The following MPP3 variants were observed in gnomAD, a reference collection of about 807,000 sequenced individuals.
The protein encoded by MPP3 is MAGUK p55 subfamily member 3.
A neutral mutation model predicts 80.7 loss-of-function variants in MPP3; 48 were observed. The observed-to-expected ratio is 0.59, with a 90% confidence interval of 0.47 to 0.76. The LOEUF is 0.76. Ranked by LOEUF, MPP3 falls within the 30% of genes least tolerant of loss-of-function variation. MPP3 has a pLI of 0.00. For synonymous variants in MPP3, 311 were observed against 297.6 expected, an observed-to-expected ratio of 1.04 and a Z score of -0.46; for missense variants, 620 against 763.0, an observed-to-expected ratio of 0.81 and a Z score of 2.21.
rs1567824060 is a variant in MPP3, at chr17:43,826,832, T to TATATATATATA, written c.523+918_523+919insTATATATATAT. On this transcript the variant is annotated intron_variant, in intron 8 of 19. Transcript: ENST00000398389. ...CATGACTATTTATATATATATATAT[T>TATATATATATA]TTTTTTTTTTTTCTTTTTTTTTTGA... 6.2e-3 allele frequency among the ~76,000 whole-genome samples: 690 copies of TATATATATATA among 110,676 alleles called. 10 individuals carry two copies. The highest frequency in any genetic ancestry group is 0.026 in the African/African-American group (674 of 26,174). The allele number at this position is 110,676 out of a possible 152,430, so 72.6% of individuals were successfully genotyped here.
In MPP3 at chr17:43,818,046, A is replaced by T; in HGVS notation, c.946T>A (p.Tyr316Asn). The change falls in exon 12 of 20, where the codon TAT (tyrosine) becomes AAT (asparagine). Residue 316 changes from tyrosine to asparagine, a missense_variant and splice_region_variant. By Grantham distance (143) the Tyr-to-Asn change is moderately radical. Coordinates refer to ENST00000398389, the MANE Select transcript of MPP3 (RefSeq NM_001932.6). ...PSPQSLRKPPYDQPCDKETCD... is the reference protein window; with the variant it reads ...PSPQSLRKPPNDQPCDKETCD... ...GTGCCATCCCTGACAATCTACTCAC[A>T]GGGGGGCTTCCTGAGGCTCTGGGGG... The T allele has an allele frequency of 6.3e-7, 1 of 1,582,302 alleles. No individual in the cohort carries two copies. Among genetic ancestry groups the T allele is most frequent in the Non-Finnish European group, 8.6e-7 (1 of 1,164,052 alleles).
Position 43,829,768 on chromosome 17 carries a change from C to G in MPP3, c.327G>C (p.Thr109=). ...CGGGGTCAAAATTCTTCTGGGCAAC[C>G]GTGTCATGTACCATGAGCACAGCCT... The part of the protein sequence containing the change: ...HLRAVLMVHD[T]VAQKNFDPVL... Residue 109 remains threonine, a synonymous_variant, in exon 7 of 20, where the codon ACG becomes ACC. Transcript: ENST00000398389. 1 of 1,613,880 alleles carries G rather than the reference C, an allele frequency of 6.2e-7. No homozygotes were observed. The highest frequency in any genetic ancestry group is 8.5e-7 in the Non-Finnish European group (1 of 1,179,994).
At chr17:43,826,964 C>T (rs8081101) in intron 8 of MPP3, among the ~76,000 whole-genome samples, 40,068 of 151,358 alleles carry the variant, frequency 0.26, 6,363 homozygotes, top group African/African-American at 0.44. Flanking sequence ...GCCTCCCGAA[C>T]AGCTAGGACT....
intron 19 of MPP3, among the ~76,000 whole-genome samples, chr17:43,804,211 A>C (rs1199425866): frequency 6.6e-6 from 1 of 152,244 alleles, no homozygotes; most frequent in Non-Finnish European, 1.5e-5. Context: ...ACAAATGGGC[A>C]GATTGATCCT....
intron 19 of MPP3, among the ~76,000 whole-genome samples, chr17:43,807,609 G>A (rs899937909): frequency 6.6e-6 from 1 of 151,936 alleles, no homozygotes; most frequent in Non-Finnish European, 1.5e-5. Context: ...GTGAGCCACC[G>A]TACCTGGCCA....
At chr17:43,816,798 A>G (rs540624859) in intron 12 of MPP3, 101 bp from the exon 13 acceptor site, 1 of 1,097,246 alleles carries the variant, frequency 9.1e-7, no homozygotes, top group African/African-American at 1.5e-5. Flanking sequence ...GGAGCCCGCC[A>G]TCTGGCCTCT....
At chr17:43,822,928 A>G (rs1307269725) in intron 10 of MPP3, among the ~76,000 whole-genome samples, 2 of 152,038 alleles carry the variant, frequency 1.3e-5, no homozygotes, top group African/African-American at 4.8e-5. Flanking sequence ...TGGTATATAG[A>G]TCGCCCAGCT....
intron 19 of MPP3, 110 bp downstream of exon 19, chr17:43,808,846 G>T: frequency 1.6e-6 from 2 of 1,233,302 alleles, no homozygotes; most frequent in Non-Finnish European, 1.1e-6. Flanking sequence ...ACATGTAGAA[G>T]GTGTGTCCCG....
intron 6 of MPP3, 57 bp from the exon 7 acceptor site, chr17:43,829,848 C>T (rs941427904): frequency 2.5e-6 from 4 of 1,609,194 alleles, no homozygotes; most frequent in Non-Finnish European, 3.4e-6. Context: ...GGTCAGCAGG[C>T]CGCAGCTGGC....
intron 2 of MPP3, 83 bp downstream of exon 2, chr17:43,832,678 C>G (rs539216422): frequency 6.5e-6 from 1 of 152,766 alleles, no homozygotes; most frequent in Admixed American, 6.5e-5. Flanking sequence ...CGCCGAGCCC[C>G]GGTGCCACTA....
At chr17:43,823,890 C>T in intron 10 of MPP3, 41 bp downstream of exon 10, 2 of 1,482,684 alleles carry the variant, frequency 1.3e-6, no homozygotes, top group Non-Finnish European at 1.9e-6. Flanking sequence ...AGCTGCATCT[C>T]TCAAGCTGAG....
chr17:43,831,426 A>G, intron 4 of MPP3, 105 bp from the exon 5 acceptor site: 2 of 1,386,632 alleles, frequency 1.4e-6, no homozygotes, highest in South Asian at 2.4e-5. Context: ...GGGCACCATA[A>G]GAGAAAGTCC....
At position 43,829,087 on chromosome 17, in the gene MPP3, G is replaced by A. The variant is rs376966048; in HGVS notation, c.441+567C>T. 1.1e-4 allele frequency among the ~76,000 whole-genome samples: 17 copies of A among 152,306 alleles called. No individual in the cohort carries two copies. The East Asian group carries it at 2.1e-3, about 19-fold the overall frequency. On this transcript the variant is annotated intron_variant, in intron 7 of 19. Coordinates refer to ENST00000398389, the MANE Select transcript of MPP3 (RefSeq NM_001932.6). Reference sequence around the variant, plus strand: ...CATAAACAACGCTGTCCCTTTGCTCGGTAAATCAATGCTGAACCAGGACCA... The same window carrying A: ...CATAAACAACGCTGTCCCTTTGCTCAGTAAATCAATGCTGAACCAGGACCA...
intron 19 of MPP3, among the ~76,000 whole-genome samples, chr17:43,805,054 GA>G (rs1378687359): frequency 7.9e-5 from 12 of 151,974 alleles, no homozygotes; most frequent in Non-Finnish European, 1.6e-4. Flanking sequence ...CTCAGAATGG[GA>G]AAAAATATTT....
intron 18 of MPP3, among the ~76,000 whole-genome samples, chr17:43,810,173 A>G (rs1306915839): frequency 2.0e-5 from 3 of 152,224 alleles, no homozygotes; most frequent in Non-Finnish European, 4.4e-5. Flanking sequence ...GCATAAAATC[A>G]GAGATCTGTT....
At chr17:43,825,700 C>T (rs1200462942) in intron 9 of MPP3, 56 bp downstream of exon 9, 1 of 1,193,318 alleles carries the variant, frequency 8.4e-7, no homozygotes, top group Non-Finnish European at 1.3e-6. Context: ...CCAGGAAGTG[C>T]CTTGCTCTGG....
At chr17:43,806,204 C>T (rs750653672) in intron 19 of MPP3, among the ~76,000 whole-genome samples, 1 of 152,060 alleles carries the variant, frequency 6.6e-6, no homozygotes, top group African/African-American at 2.4e-5. Context: ...CTTGCTCTGT[C>T]GCCCAGGCTG....
intron 18 of MPP3, among the ~76,000 whole-genome samples, chr17:43,809,982 C>T (rs1270480298): frequency 1.3e-5 from 2 of 152,160 alleles, no homozygotes; most frequent in Non-Finnish European, 2.9e-5. Context: ...GCATTATCTG[C>T]ACCCTTGATC....
rs1598336152 is a variant in MPP3, at chr17:43,814,084, C to T, written c.1182G>A (p.Leu394=). The T allele has an allele frequency of 6.2e-7, 1 of 1,612,432 alleles. No individual in the cohort carries two copies. The highest frequency in any genetic ancestry group is 1.7e-4 in the Middle Eastern group (1 of 6,056). ...GCTTCAGCTCGTGCAGTCGGGCTCC[C>T]AGAGACCCTGGGAAACAAGAAGAAG... is the stretch of plus-strand genomic sequence containing the variant. ...RPRLVVLIGS[L]GARLHELKQK... Residue 394 remains leucine, a synonymous_variant, in exon 16 of 20, where the codon CTG becomes CTA. Transcript: ENST00000398389.
Sources: allele counts gnomAD v4.1 joint callset (sites outside exome capture counted in the v4.1 genomes callset), GRCh38; gene constraint gnomAD v4.1.1; transcripts MANE v1.5; gene names NCBI Gene and HGNC (gene_info 2026-07-23, HGNC 2026-07-21).